The following CYP2E1 variants were observed in gnomAD, a reference collection of about 807,000 sequenced individuals.
CYP2E1 encodes the protein cytochrome P450 family 2 subfamily E member 1.
CYP2E1 carries 31 observed loss-of-function variants against 42.9 expected under a neutral mutation model. The ratio of observed to expected loss-of-function variants is 0.72; its 90% confidence interval spans 0.54 to 0.98. CYP2E1 has a LOEUF of 0.98. Among genes scored for constraint, CYP2E1 ranks in the 50% least tolerant of loss-of-function variants. CYP2E1 has a pLI of 0.00. For synonymous variants in CYP2E1, 244 were observed against 248.9 expected, an observed-to-expected ratio of 0.98 and a Z score of 0.19; for missense variants, 565 against 633.2, an observed-to-expected ratio of 0.89 and a Z score of 1.16.
chr10:133,538,095 G>A (rs1851427409), intron 8 of CYP2E1, among the ~76,000 whole-genome samples: 1 of 52,372 alleles, frequency 1.9e-5, no homozygotes, highest in African/African-American at 3.5e-5. Context: ...GCAATCCTGG[G>A]AATGAAGTGT....
intron 5 of CYP2E1, among the ~76,000 whole-genome samples, 173 bp from the exon 6 acceptor site, chr10:133,533,583 C>T (rs1264730346): frequency 6.6e-6 from 1 of 152,282 alleles, no homozygotes; most frequent in South Asian, 2.1e-4. Context: ...GCCTCAGTTT[C>T]CCTGGCTGTG....
At chr10:133,528,920 C>T (rs578252709) in intron 2 of CYP2E1, among the ~76,000 whole-genome samples, 44 of 152,290 alleles carry the variant, frequency 2.9e-4, no homozygotes, top group Admixed American at 2.5e-3. Flanking sequence ...GCCCCCACCC[C>T]CACCGTTCCG....
Position 133,527,460 on chromosome 10 carries a change from T to C in CYP2E1, c.65T>C (p.Met22Thr), listed in dbSNP as rs1336298850. ...GCGGCCTTCCTCCTGCTGGTGTCCATGTGGAGGCAGGTGCACAGCAGCTGG... is the reference window on the plus strand; with the variant it reads ...GCGGCCTTCCTCCTGCTGGTGTCCACGTGGAGGCAGGTGCACAGCAGCTGG... ...VWAAFLLLVS[M>T]WRQVHSSWNL... The change falls in exon 1 of 9, where the codon ATG (methionine) becomes ACG (threonine). Residue 22 changes from methionine to threonine, a missense_variant. Coordinates refer to ENST00000252945, the MANE Select transcript of CYP2E1 (RefSeq NM_000773.4). 1 of 1,613,696 alleles carries C rather than the reference T, an allele frequency of 6.2e-7. No homozygotes were observed. Among genetic ancestry groups the C allele is most frequent in the African/African-American group, 1.3e-5 (1 of 75,010 alleles).
At chr10:133,536,821 ATGGG>A (rs1851409857) in intron 6 of CYP2E1, among the ~76,000 whole-genome samples, 1 of 77,132 alleles carries the variant, frequency 1.3e-5, no homozygotes, top group Non-Finnish European at 2.2e-5. Context: ...GGTTGGATGG[ATGGG>A]TGGGTGGGTG....
At chr10:133,531,781 G>A (rs778316659) in intron 3 of CYP2E1, 47 bp downstream of exon 3, 33 of 1,531,402 alleles carry the variant, frequency 2.2e-5, no homozygotes, top group Middle Eastern at 2.2e-4. Flanking sequence ...GCAGACCAGC[G>A]GTGTGGGGAG....
chr10:133,538,858 A>G lies in CYP2E1; in HGVS notation c.1376A>G (p.Asn459Ser). Residue 459 changes from asparagine (N) to serine (S), a missense_variant, in exon 9 of 9, where the codon AAT (asparagine) becomes AGT (serine). By Grantham distance (46) the Asn-to-Ser change is conservative. Transcript: ENST00000252945. ...LLLCAILQHFNLKPLVDPKDI... is the reference protein window; with the variant it reads ...LLLCAILQHFSLKPLVDPKDI... Reference sequence around the variant, plus strand: ...TTGTGTGCCATTTTGCAGCATTTTAATTTGAAGCCTCTCGTTGACCCAAAG... The same window carrying G: ...TTGTGTGCCATTTTGCAGCATTTTAGTTTGAAGCCTCTCGTTGACCCAAAG... 6.2e-7 allele frequency: 1 copy of G among 1,614,064 alleles called. No homozygotes were observed. The highest frequency in any genetic ancestry group is 8.5e-7 in the Non-Finnish European group (1 of 1,179,992).
Position 133,537,889 on chromosome 10 carries a change from A to C in CYP2E1, c.1294A>C (p.Thr432Pro). Residue 432 changes from threonine to proline, a missense_variant, in exon 8 of 9, where the codon ACA becomes CCA. Thr to Pro is a conservative substitution (Grantham distance 38). Transcript: ENST00000252945. ...KYSDYFKPFS[T>P]GKRVCAGEGL... ...CAGTGACTATTTCAAGCCATTTTCC[A>C]CAGGTGAGAAAGATCAGAGGCAGTA... The C allele has an allele frequency of 6.2e-7, 1 of 1,613,456 alleles. No individual in the cohort carries two copies. The highest frequency in any genetic ancestry group is 8.5e-7 in the Non-Finnish European group (1 of 1,179,640).
At chr10:133,529,774 C>T (rs1039682245) in intron 2 of CYP2E1, among the ~76,000 whole-genome samples, 7 of 152,354 alleles carry the variant, frequency 4.6e-5, no homozygotes, top group Middle Eastern at 3.4e-3. Context: ...GCGCCAGGAC[C>T]GCGTCCAGAA....
chr10:133,533,864 C>T lies in CYP2E1; in HGVS notation c.934C>T (p.Leu312Phe), dbSNP rs374740281. Residue 312 changes from leucine to phenylalanine, a missense_variant, in exon 6 of 9, where the codon CTC becomes TTC. By Grantham distance (22) the Leu-to-Phe change is conservative (BLOSUM62 0). Coordinates refer to ENST00000252945, the MANE Select transcript of CYP2E1 (RefSeq NM_000773.4). ...ETTSTTLRYG[L>F]LILMKYPEIE... is the part of the protein sequence containing the mutation. ...CACCAGCACAACTCTGAGATATGGG[C>T]TCCTGATTCTCATGAAATACCCTGA... 6.2e-7 allele frequency: 1 copy of T among 1,614,136 alleles called. No individual in the cohort carries two copies. The highest frequency in any genetic ancestry group is 1.3e-5 in the African/African-American group (1 of 75,026).
At position 133,528,412 on chromosome 10, in the gene CYP2E1, G is replaced by A. The variant is rs557673666; in HGVS notation, c.178-69G>A. The A allele has an allele frequency of 7.2e-5, 113 of 1,570,698 alleles. No individual in the cohort carries two copies. The African/African-American group carries it at 1.4e-3, about 20-fold the overall frequency. ...GCAACAGCAATACCCGCCCGGCAGG[G>A]GTGTGGCTTAGAGCCCCGCACCTCC... is the stretch of plus-strand genomic sequence containing the variant. On this transcript the variant is annotated intron_variant, in intron 1 of 8. Transcript: ENST00000252945.
chr10:133,534,942 G>T (rs1311458634), intron 6 of CYP2E1, among the ~76,000 whole-genome samples: 5 of 151,260 alleles, frequency 3.3e-5, no homozygotes, highest in Non-Finnish European at 7.4e-5. Flanking sequence ...ATGGCTCATT[G>T]TAGCTTCTAC....
At chr10:133,531,489 C>T in intron 2 of CYP2E1, 96 bp from the exon 3 acceptor site, 2 of 1,394,600 alleles carry the variant, frequency 1.4e-6, no homozygotes, top group African/African-American at 1.4e-5. Context: ...TCTTTATACA[C>T]CTGTAAATCC....
rs1471165175 is a variant in CYP2E1, at chr10:133,537,834, C to T, written c.1239C>T (p.His413=). The T allele has an allele frequency of 1.2e-6, 2 of 1,613,936 alleles. No individual in the cohort carries two copies. The highest frequency in any genetic ancestry group is 4.5e-5 in the East Asian group (2 of 44,874). The change falls in exon 8 of 9, where the codon CAC becomes CAT. Residue 413 remains histidine, a synonymous_variant. Coordinates refer to ENST00000252945, the MANE Select transcript of CYP2E1 (RefSeq NM_000773.4). ...ATCCAGAAAAGTTTAAGCCAGAACA[C>T]TTCCTGAATGAAAATGGAAAGTTCA... ...FPDPEKFKPE[H]FLNENGKFKY... is the part of the protein sequence containing the mutation.
At position 133,537,207 on chromosome 10, in the gene CYP2E1, A is replaced by G. The variant is rs1005539701; in HGVS notation, c.1112A>G (p.Glu371Gly). ...ITLVPSNLPHEATRDTIFRGY... is the reference protein window; with the variant it reads ...ITLVPSNLPHGATRDTIFRGY... Reference sequence around the variant, plus strand: ...CTCGTGCCCTCCAACCTGCCCCATGAAGCAACCCGAGACACCATTTTCAGA... The same window carrying G: ...CTCGTGCCCTCCAACCTGCCCCATGGAGCAACCCGAGACACCATTTTCAGA... Residue 371 changes from glutamate (E) to glycine (G), a missense_variant, in exon 7 of 9, where the codon GAA becomes GGA. Coordinates refer to ENST00000252945, the MANE Select transcript of CYP2E1 (RefSeq NM_000773.4). 5 of 1,613,918 alleles carry G rather than the reference A, an allele frequency of 3.1e-6. No individual in the cohort carries two copies. In the Admixed American group the frequency reaches 5.0e-5, roughly 16 times the overall value.
chr10:133,527,787 G>A (rs972918352), intron 1 of CYP2E1, among the ~76,000 whole-genome samples: 1 of 152,176 alleles, frequency 6.6e-6, no homozygotes, highest in Non-Finnish European at 1.5e-5. Flanking sequence ...GGCCCCCGCC[G>A]GTGCCTTGTC....
chr10:133,535,483 A>G (rs1432931135), intron 6 of CYP2E1, among the ~76,000 whole-genome samples: 1 of 152,274 alleles, frequency 6.6e-6, no homozygotes, highest in East Asian at 1.9e-4. Flanking sequence ...TGCTTTTTCA[A>G]TCACATGGAA....
chr10:133,537,779 CTG>C lies in CYP2E1; in HGVS notation c.1186_1187del (p.Val396PhefsTer3). 2 of 1,613,980 alleles carry C rather than the reference CTG, an allele frequency of 1.2e-6. No individual in the cohort carries two copies. Among genetic ancestry groups the C allele is most frequent in the Non-Finnish European group, 1.7e-6 (2 of 1,179,892 alleles). ...ACAGTCGTAGTGCCAACTCTGGACT[CTG>C]TTTTGTATGACAACCAAGAATTTCC... On this transcript the variant is annotated frameshift_variant, in exon 8 of 9. Transcript: ENST00000252945. LOFTEE classifies it high-confidence loss of function.
Position 133,528,487 on chromosome 10 carries a change from C to G in CYP2E1, c.184C>G (p.Gln62Glu), listed in dbSNP as rs768536485. The G allele has an allele frequency of 6.2e-7, 1 of 1,612,958 alleles. No homozygotes were observed. The highest frequency in any genetic ancestry group is 8.5e-7 in the Non-Finnish European group (1 of 1,179,860). Reference protein sequence around the residue: ...NIPKSFTRLAQRFGPVFTLYV... With the variant: ...NIPKSFTRLAERFGPVFTLYV... ...TAGCCACGGGTCTCCGCAGTTGGCC[C>G]AGCGCTTCGGGCCGGTGTTCACGCT... Residue 62 changes from glutamine (Q) to glutamate (E), a missense_variant, in exon 2 of 9, where the codon CAG becomes GAG. Coordinates refer to ENST00000252945, the MANE Select transcript of CYP2E1 (RefSeq NM_000773.4).
chr10:133,533,963 AT>A, intron 6 of CYP2E1, 66 bp downstream of exon 6: 1 of 1,555,284 alleles, frequency 6.4e-7, no homozygotes, highest in Non-Finnish European at 8.8e-7. Flanking sequence ...AGCCTTGCAC[AT>A]TTTAGGCTGC....
Sources: gnomAD v4.1 joint callset for allele counts (sites outside exome capture counted in the v4.1 genomes callset) on GRCh38, gnomAD v4.1.1 for gene constraint, MANE v1.5 for transcripts, NCBI Gene and HGNC (gene_info 2026-07-23, HGNC 2026-07-21) for gene names.